TRPM1: variants seen among roughly 807,000 people sequenced by gnomAD.
TRPM1 encodes TRPM1-203 APA Isoform, Intron 10.
A neutral mutation model predicts 149.4 loss-of-function variants in TRPM1; 113 were observed. The observed-to-expected ratio is 0.76, with a 90% confidence interval of 0.65 to 0.88. The LOEUF is 0.88. Among genes scored for constraint, TRPM1 ranks in the 40% least tolerant of loss-of-function variants. The probability of loss-of-function intolerance (pLI) is 0.00; values close to 1 mark genes in which losing one functional copy is unlikely to be tolerated. For synonymous variants in TRPM1, 741 were observed against 759.5 expected, an observed-to-expected ratio of 0.98 and a Z score of 0.40; for missense variants, 1,976 against 2,038.7, an observed-to-expected ratio of 0.97 and a Z score of 0.59.
At position 31,063,236 on chromosome 15, in the gene TRPM1, C is replaced by A. The variant is rs539031474; in HGVS notation, c.847G>T (p.Val283Leu). 1.6e-5 allele frequency: 26 copies of A among 1,614,178 alleles called. No individual in the cohort carries two copies. In the East Asian group the frequency reaches 5.1e-4, roughly 32 times the overall value. ...TGCAGGTATTCCAAGACGATGGACA[C>A]CACGTTAGGGCCCCCCTCCACCACG... ...GLVVEGGPNV[V>L]SIVLEYLQEE... Residue 283 changes from valine to leucine, a missense_variant, in exon 8 of 28, where the codon GTG becomes TTG. Transcript: ENST00000256552.
rs905960285 is a variant in TRPM1, at chr15:31,046,056, T to C, written c.1794+148A>G. 9 of 689,618 alleles carry C rather than the reference T, an allele frequency of 1.3e-5. No individual in the cohort carries two copies. The Admixed American group carries it at 1.9e-4, about 14-fold the overall frequency. The allele number at this position is 689,618 out of a possible 1,614,324, so 42.7% of individuals were successfully genotyped here. ...CAGCTTTTATCCCCATTAAAGAAAA[T>C]GTATATATGGTCCTTTTATATAATT... On this transcript the variant is annotated intron_variant, in intron 16 of 27. Coordinates refer to ENST00000256552, the MANE Select transcript of TRPM1 (RefSeq NM_001252024.2).
At chr15:31,112,885 CTCATTTGCCCAT>C (rs1452481890) in intron 1 of TRPM1, among the ~76,000 whole-genome samples, 11 of 152,224 alleles carry the variant, frequency 7.2e-5, no homozygotes, top group Admixed American at 7.2e-4. Context: ...ATTCCTCAAA[CTCATTTGCCCAT>C]AGGATCTTTT....
chr15:31,116,868 A>T (rs1358389916), intron 1 of TRPM1, among the ~76,000 whole-genome samples: 2 of 152,208 alleles, frequency 1.3e-5, no homozygotes, highest in Non-Finnish European at 2.9e-5. Context: ...CTCACATTAA[A>T]GGCCTATTTA....
intron 27 of TRPM1, among the ~76,000 whole-genome samples, chr15:31,014,000 A>G (rs2032274156): frequency 6.6e-6 from 1 of 152,140 alleles, no homozygotes; most frequent in Admixed American, 6.5e-5. Flanking sequence ...TTTAGCTTTC[A>G]CTTCCTGCTT....
intron 1 of TRPM1, among the ~76,000 whole-genome samples, chr15:31,088,408 G>A (rs2035067354): frequency 1.3e-5 from 2 of 152,186 alleles, no homozygotes; most frequent in South Asian, 4.1e-4. Flanking sequence ...AGCAGAAAGT[G>A]TCTGGGTTGG....
chr15:31,040,155 A>G lies in TRPM1; in HGVS notation c.2279T>C (p.Met760Thr). 1.2e-6 allele frequency: 2 copies of G among 1,614,154 alleles called. No homozygotes were observed. Among genetic ancestry groups the G allele is most frequent in the Non-Finnish European group, 1.7e-6 (2 of 1,180,026 alleles). Residue 760 changes from methionine to threonine, a missense_variant, in exon 18 of 28, where the codon ATG becomes ACG. Transcript: ENST00000256552. The surrounding 1 kb of genome is among the most constrained non-coding windows in gnomAD (Gnocchi z 4.2). ...CSQMLLTDMW[M>T]GRLRMRKNPG... ...GTTCTTCCGCATCCGCAGTCTTCCCATCCACATATCGGTCAGCAGCATCTG... is the reference window on the plus strand; with the variant it reads ...GTTCTTCCGCATCCGCAGTCTTCCCGTCCACATATCGGTCAGCAGCATCTG...
chr15:31,061,047 A>G (rs2140953755), intron 10 of TRPM1, among the ~76,000 whole-genome samples: 1 of 152,328 alleles, frequency 6.6e-6, no homozygotes, highest in East Asian at 1.9e-4. Flanking sequence ...TGTGCATCCC[A>G]GAGCAGACCC....
intron 1 of TRPM1, among the ~76,000 whole-genome samples, chr15:31,114,396 CAT>C (rs1311733563): frequency 6.6e-6 from 1 of 152,180 alleles, no homozygotes; most frequent in Non-Finnish European, 1.5e-5. Context: ...ATATGTACCA[CAT>C]GTTTTATCCA....
intron 8 of TRPM1, 39 bp downstream of exon 8, chr15:31,063,079 G>A (rs367804179): frequency 6.2e-7 from 1 of 1,613,294 alleles, no homozygotes; most frequent in Non-Finnish European, 8.5e-7. Flanking sequence ...CAAAGAGGGA[G>A]TTACGAACCC....
intron 27 of TRPM1, among the ~76,000 whole-genome samples, chr15:31,024,230 A>G (rs922184557): frequency 4.6e-5 from 7 of 152,250 alleles, no homozygotes; most frequent in African/African-American, 1.7e-4. Context: ...CTAATTTTAT[A>G]TAGAAAGAAT....
chr15:31,081,062 C>T (rs1007402193), intron 2 of TRPM1, among the ~76,000 whole-genome samples: 5 of 152,168 alleles, frequency 3.3e-5, no homozygotes, highest in African/African-American at 4.8e-5. Flanking sequence ...CCCTGTCCCC[C>T]CCCTTATCGT....
intron 18 of TRPM1, 127 bp downstream of exon 18, chr15:31,039,991 T>A: frequency 2.5e-6 from 2 of 799,234 alleles, no homozygotes; most frequent in South Asian, 1.4e-5. Flanking sequence ...ATGATTGTCA[T>A]GGCGTCTCCC....
chr15:31,124,366 A>G lies in TRPM1; in HGVS notation c.54+36540T>C, dbSNP rs549581359. ...TGATATTGCTTAGTCAAAGAAATCA[A>G]TCTGAGGCCAGGCACAGTGGCTCAT... On this transcript the variant is annotated intron_variant, in intron 1 of 26. Transcript: ENST00000542188. 2.6e-5 allele frequency among the ~76,000 whole-genome samples: 4 copies of G among 152,324 alleles called. No homozygotes were observed. The South Asian group carries it at 8.3e-4, about 32-fold the overall frequency.
intron 11 of TRPM1, among the ~76,000 whole-genome samples, chr15:31,055,548 C>T (rs1049976217): frequency 6.6e-6 from 1 of 152,136 alleles, no homozygotes; most frequent in Non-Finnish European, 1.5e-5. Flanking sequence ...GCCACACATC[C>T]CCTCCCGGTC....
At chr15:31,061,980 G>A (rs1360850229) in intron 9 of TRPM1, among the ~76,000 whole-genome samples, 3 of 152,158 alleles carry the variant, frequency 2.0e-5, no homozygotes, top group Non-Finnish European at 4.4e-5. Flanking sequence ...GAGCCACTGT[G>A]CCCGGCTGAT....
chr15:31,122,707 T>C (rs534748918), intron 1 of TRPM1, among the ~76,000 whole-genome samples: 1 of 152,344 alleles, frequency 6.6e-6, no homozygotes, highest in South Asian at 2.1e-4. Flanking sequence ...AGATATTTCA[T>C]GTTCATAGAT....
rs572377729 is a variant in TRPM1, at chr15:31,050,070, A to G, written c.1437+339T>C. On this transcript the variant is annotated intron_variant, in intron 12 of 27. Transcript: ENST00000256552. ...AAAAAAGGGCTTTTTCATGAATTGCATTTATTTGGTGACAACTGATTTGTC... is the reference window on the plus strand; with the variant it reads ...AAAAAAGGGCTTTTTCATGAATTGCGTTTATTTGGTGACAACTGATTTGTC... Among the ~76,000 whole-genome samples, 4 of 152,292 alleles carry G rather than the reference A, an allele frequency of 2.6e-5. No homozygotes were observed. The East Asian group carries it at 5.8e-4, about 22-fold the overall frequency.
At chr15:31,108,592 C>G (rs1201834008) in intron 1 of TRPM1, among the ~76,000 whole-genome samples, 3 of 152,212 alleles carry the variant, frequency 2.0e-5, no homozygotes, top group Non-Finnish European at 4.4e-5. Context: ...ATCCCGGGTT[C>G]AAGTGATTCT....
At chr15:31,028,807 C>A (rs1000501402) in intron 24 of TRPM1, among the ~76,000 whole-genome samples, 3 of 151,988 alleles carry the variant, frequency 2.0e-5, no homozygotes, top group African/African-American at 7.2e-5. Flanking sequence ...CATATCTGCG[C>A]TCAGAGATAG....
Sources: gnomAD v4.1 joint callset for allele counts (sites outside exome capture counted in the v4.1 genomes callset) on GRCh38, gnomAD v4.1.1 for gene constraint, Gnocchi (gnomAD v3.1) non-coding constraint, MANE v1.5 for transcripts, NCBI Gene and HGNC (gene_info 2026-07-23, HGNC 2026-07-21) for gene names.